CARMIL1: variants seen among roughly 807,000 people sequenced by gnomAD.
CARMIL1 encodes F-actin-uncapping protein LRRC16A.
In CARMIL1, 90 loss-of-function variants were observed where a neutral mutation model predicts 177.1. The ratio of observed to expected loss-of-function variants is 0.51; its 90% CI spans 0.43 to 0.61. CARMIL1 has a LOEUF of 0.61. Among genes scored for constraint, CARMIL1 ranks in the 20% least tolerant of loss-of-function variants. CARMIL1 has a pLI of 0.00. For missense variants in CARMIL1, 1,380 were observed against 1,667.0 expected, an observed-to-expected ratio of 0.83 and a Z score of 3.00; for synonymous variants, 577 against 606.2, an observed-to-expected ratio of 0.95 and a Z score of 0.71.
At chr6:25,376,775 T>C (rs1299255405) in intron 2 of CARMIL1, among the ~76,000 whole-genome samples, 1 of 152,106 alleles carries the variant, frequency 6.6e-6, no homozygotes, top group Non-Finnish European at 1.5e-5. Flanking sequence ...GAGATGTCCA[T>C]GGGTAAAAAT....
At chr6:25,484,529 G>A (rs918480060) in intron 12 of CARMIL1, among the ~76,000 whole-genome samples, 10 of 152,216 alleles carry the variant, frequency 6.6e-5, no homozygotes, top group African/African-American at 2.4e-4. Flanking sequence ...GCCATCTACA[G>A]ATCTTACAGC....
chr6:25,620,395 G>C lies in CARMIL1; in HGVS notation c.*812G>C, dbSNP rs545825652. 2 of 152,314 alleles carry C rather than the reference G, an allele frequency of 1.3e-5. No individual in the cohort carries two copies. The highest frequency in any genetic ancestry group is 2.1e-4 in the South Asian group (1 of 4,832). 9.4% of individuals were successfully genotyped at this position (152,314 alleles called of 1,614,324 possible). On this transcript the variant is annotated 3_prime_UTR_variant, in exon 37 of 37. Transcript: ENST00000329474. Reference sequence around the variant, plus strand: ...TAGCTTTTAATGTGTGATTTTAAGAGAGAATACTTTGACACCTGTAAAAAT... The same window carrying C: ...TAGCTTTTAATGTGTGATTTTAAGACAGAATACTTTGACACCTGTAAAAAT...
At chr6:25,492,103 G>A in intron 15 of CARMIL1, 79 bp downstream of exon 15, 1 of 1,184,092 alleles carries the variant, frequency 8.4e-7, no homozygotes, top group South Asian at 1.3e-5. Flanking sequence ...GGAAAACAGT[G>A]ATAAAGGGTG....
intron 36 of CARMIL1, among the ~76,000 whole-genome samples, chr6:25,614,964 T>C (rs1816781084): frequency 1.3e-5 from 2 of 152,232 alleles, no homozygotes; most frequent in Non-Finnish European, 2.9e-5. Context: ...CCATCTTGTA[T>C]TTACTTTTCT....
chr6:25,471,477 T>G (rs1801097863), intron 10 of CARMIL1, among the ~76,000 whole-genome samples: 1 of 152,136 alleles, frequency 6.6e-6, no homozygotes, highest in Admixed American at 6.5e-5. Flanking sequence ...TTTTTGAGAG[T>G]ACATAGTATA....
At chr6:25,516,278 G>T in intron 21 of CARMIL1, among the ~76,000 whole-genome samples, 1 of 143,548 alleles carries the variant, frequency 7.0e-6, no homozygotes, top group Middle Eastern at 3.4e-3. Flanking sequence ...GGGTACAAAA[G>T]GTCTGCTGGT....
chr6:25,361,434 T>C (rs759235334), intron 2 of CARMIL1, among the ~76,000 whole-genome samples: 15 of 151,864 alleles, frequency 9.9e-5, no homozygotes, highest in Admixed American at 2.0e-4. Context: ...AGCAAATTCA[T>C]TGACTTCCAA....
chr6:25,478,300 C>A (rs556644660), intron 11 of CARMIL1, among the ~76,000 whole-genome samples: 1 of 152,048 alleles, frequency 6.6e-6, no homozygotes, highest in Non-Finnish European at 1.5e-5. Flanking sequence ...ATCAGTGAGT[C>A]CCAGAGTCGA....
At chr6:25,401,930 C>G (rs880225) in intron 2 of CARMIL1, among the ~76,000 whole-genome samples, 37,511 of 151,720 alleles carry the variant, frequency 0.25, 5,120 homozygotes, top group African/African-American at 0.36. Context: ...ATTAATCAGT[C>G]CGCATTTCTC....
chr6:25,412,535 C>T (rs566846281), intron 2 of CARMIL1, among the ~76,000 whole-genome samples: 29 of 152,302 alleles, frequency 1.9e-4, no homozygotes, highest in Admixed American at 1.4e-3. Context: ...GAGCTGTGAT[C>T]GCTCCACTGC....
At chr6:25,519,468 A>G (rs1299299418) in intron 22 of CARMIL1, among the ~76,000 whole-genome samples, 1 of 152,210 alleles carries the variant, frequency 6.6e-6, no homozygotes, top group African/African-American at 2.4e-5. Context: ...CCAGCTTCAG[A>G]GTTCTGTGTG....
At chr6:25,574,633 A>G (rs1305997888) in intron 29 of CARMIL1, among the ~76,000 whole-genome samples, 1 of 152,230 alleles carries the variant, frequency 6.6e-6, no homozygotes, top group African/African-American at 2.4e-5. Context: ...ACATACGTGT[A>G]TTCATGAACA....
chr6:25,282,408 G>C (rs1396351631), intron 1 of CARMIL1, among the ~76,000 whole-genome samples: 1 of 152,124 alleles, frequency 6.6e-6, no homozygotes, highest in African/African-American at 2.4e-5. Context: ...TCTTCTACAT[G>C]TTCCCTTGCC....
chr6:25,408,287 TAAAATA>T (rs903694546), intron 2 of CARMIL1, among the ~76,000 whole-genome samples: 2 of 120,366 alleles, frequency 1.7e-5, no homozygotes, highest in African/African-American at 6.1e-5. Context: ...GCCTGTCTCT[TAAAATA>T]AAAAAAAAAA....
rs185435726 is a variant in CARMIL1, at chr6:25,571,163, G to T, written c.2743-9761G>T. On this transcript the variant is annotated intron_variant, in intron 29 of 36. Coordinates refer to ENST00000329474, the MANE Select transcript of CARMIL1 (RefSeq NM_017640.6). Reference sequence around the variant, plus strand: ...TTTATAATCTAGTTCATTAAACAGGGAAGGTAGGTCTAGGATATTTTATAT... The same window carrying T: ...TTTATAATCTAGTTCATTAAACAGGTAAGGTAGGTCTAGGATATTTTATAT... Among the ~76,000 whole-genome samples the T allele has an allele frequency of 1.8e-4, 28 of 152,210 alleles. 1 individual carries two copies. The highest frequency in any genetic ancestry group is 1.8e-3 in the Admixed American group (27 of 15,298).
At position 25,453,065 on chromosome 6, in the gene CARMIL1, T is replaced by G. The variant is rs570960826; in HGVS notation, c.614+2354T>G. Reference sequence around the variant, plus strand: ...TAGAAAATATTGGTTCATTGAGTTATACATAGCTTTCAAGTATCTTCCTCT... The same window carrying G: ...TAGAAAATATTGGTTCATTGAGTTAGACATAGCTTTCAAGTATCTTCCTCT... On this transcript the variant is annotated intron_variant, in intron 8 of 36. Coordinates refer to ENST00000329474, the MANE Select transcript of CARMIL1 (RefSeq NM_017640.6). Among the ~76,000 whole-genome samples the G allele has an allele frequency of 4.3e-4, 65 of 152,326 alleles. 1 individual carries two copies. Among genetic ancestry groups the G allele is most frequent in the South Asian group, 8.3e-4 (4 of 4,828 alleles).
At chr6:25,551,795 T>C (rs1166485023) in intron 27 of CARMIL1, among the ~76,000 whole-genome samples, 1 of 152,146 alleles carries the variant, frequency 6.6e-6, no homozygotes, top group African/African-American at 2.4e-5. Context: ...ATTTTAACCA[T>C]TTTTGAATAT....
intron 2 of CARMIL1, among the ~76,000 whole-genome samples, chr6:25,378,514 AG>A (rs1222065439): frequency 6.6e-6 from 1 of 152,136 alleles, no homozygotes; most frequent in Non-Finnish European, 1.5e-5. Flanking sequence ...GACTTCCACA[AG>A]GTCCCCTGTG....
At chr6:25,298,868 C>T (rs1404178737) in intron 2 of CARMIL1, among the ~76,000 whole-genome samples, 1 of 151,596 alleles carries the variant, frequency 6.6e-6, no homozygotes, top group Non-Finnish European at 1.5e-5. Flanking sequence ...GATTCTCCTG[C>T]TTCAAATTCC....
Sources: allele counts gnomAD v4.1 joint callset (sites outside exome capture counted in the v4.1 genomes callset), GRCh38; gene constraint gnomAD v4.1.1; transcripts MANE v1.5; gene names NCBI Gene and HGNC (gene_info 2026-07-23, HGNC 2026-07-21).